The following FAM13A variants were observed in gnomAD, a reference collection of about 807,000 sequenced individuals.
FAM13A encodes protein FAM13A.
Under a neutral mutation model 129.6 loss-of-function variants are expected in FAM13A, and 76 were observed. The observed-to-expected ratio is 0.59, with a 90% CI of 0.49 to 0.71. The LOEUF is 0.71. Ranked by LOEUF, FAM13A falls within the 30% of genes least tolerant of loss-of-function variation. The pLI is 0.00. For missense variants in FAM13A, 1,108 were observed against 1,249.3 expected, an observed-to-expected ratio of 0.89 and a Z score of 1.70; for synonymous variants, 443 against 449.9, an observed-to-expected ratio of 0.98 and a Z score of 0.20.
intron 6 of FAM13A, 138 bp downstream of exon 6, chr4:88,906,241 T>C (rs1748139869): frequency 3.2e-6 from 2 of 622,932 alleles, no homozygotes; most frequent in Admixed American, 2.5e-5. Context: ...TGAGCTGAGA[T>C]TGCGCCACTG....
chr4:89,001,993 A>G (rs1764311176), intron 3 of FAM13A, among the ~76,000 whole-genome samples: 2 of 152,086 alleles, frequency 1.3e-5, no homozygotes, highest in Admixed American at 1.3e-4. Flanking sequence ...TGTTGTTTGC[A>G]CAGCTGCTAT....
chr4:88,867,347 C>G (rs920388770), intron 6 of FAM13A, among the ~76,000 whole-genome samples: 1 of 152,162 alleles, frequency 6.6e-6, no homozygotes, highest in African/African-American at 2.4e-5. Flanking sequence ...CTTCAGCATA[C>G]ACTTGGGAAC....
Position 88,940,689 on chromosome 4 carries a change from A to C in FAM13A, c.606-2448T>G, listed in dbSNP as rs1381832162. ...GAAAGATCAAAAGCTGGTTTTATGC[A>C]GTCAGGCAAAGGTCCCTTTCAAGTG... On this transcript the variant is annotated intron_variant, in intron 4 of 23. Coordinates refer to ENST00000264344, the MANE Select transcript of FAM13A (RefSeq NM_014883.4). Among the ~76,000 whole-genome samples, 3 of 152,226 alleles carry C rather than the reference A, an allele frequency of 2.0e-5. No individual in the cohort carries two copies. In the East Asian group the frequency reaches 5.8e-4, roughly 29 times the overall value.
chr4:89,004,233 G>A lies in FAM13A; in HGVS notation c.428-13083C>T, dbSNP rs571022190. Among the ~76,000 whole-genome samples the A allele has an allele frequency of 3.9e-5, 6 of 152,286 alleles. No homozygotes were observed. The South Asian group carries it at 8.3e-4, about 21-fold the overall frequency. On this transcript the variant is annotated intron_variant, in intron 3 of 23. Transcript: ENST00000264344. ...AGCTCATTGCAATCTCCACCTCTCG[G>A]ATTCAAATAACTCCCGTGCTTCAGC... is the stretch of plus-strand genomic sequence containing the variant.
At chr4:88,840,112 G>C (rs1012412422) in intron 7 of FAM13A, among the ~76,000 whole-genome samples, 1 of 152,218 alleles carries the variant, frequency 6.6e-6, no homozygotes, top group African/African-American at 2.4e-5. Flanking sequence ...GAAGGCCAGA[G>C]GAAAACCAGG....
At position 88,728,659 on chromosome 4, in the gene FAM13A, T is replaced by C. The variant is rs1307120103; in HGVS notation, c.2946A>G (p.Arg982=). 2.5e-6 allele frequency: 4 copies of C among 1,614,024 alleles called. No individual in the cohort carries two copies. In the African/African-American group the frequency reaches 4.0e-5, roughly 16 times the overall value. ...FEDNFFRQNG[R]NVQKEDRTPM... is the part of the protein sequence containing the mutation. Reference sequence around the variant, plus strand: ...GAGTGCGGTCTTCCTTCTGGACATTTCTAATGCAAATAAAGGAAAAAGGGG... The same window carrying C: ...GAGTGCGGTCTTCCTTCTGGACATTCCTAATGCAAATAAAGGAAAAAGGGG... Residue 982 remains arginine, a splice_region_variant and synonymous_variant, in exon 24 of 24, where the codon AGA becomes AGG. Transcript: ENST00000264344.
chr4:88,755,821 T>A (rs548554422), intron 14 of FAM13A, among the ~76,000 whole-genome samples: 8 of 152,320 alleles, frequency 5.3e-5, no homozygotes, highest in Admixed American at 5.2e-4. Flanking sequence ...ATACCACCCA[T>A]CTCCATTTTT....
At chr4:88,831,936 C>T (rs1027466509) in intron 7 of FAM13A, among the ~76,000 whole-genome samples, 2 of 151,988 alleles carry the variant, frequency 1.3e-5, no homozygotes, top group African/African-American at 2.4e-5. Context: ...ATAGCCAAGA[C>T]GATCTCAAGC....
chr4:88,905,067 C>T (rs1017872348), intron 6 of FAM13A, among the ~76,000 whole-genome samples: 4 of 152,094 alleles, frequency 2.6e-5, no homozygotes, highest in Non-Finnish European at 5.9e-5. Flanking sequence ...TTCTATTATG[C>T]TTAGAGGTAC....
chr4:88,936,151 C>A (rs1199568992), intron 5 of FAM13A: 1 of 152,198 alleles, frequency 6.6e-6, no homozygotes, highest in Non-Finnish European at 1.5e-5. Flanking sequence ...CAGCCTTAAA[C>A]CTAGTCACTC....
At chr4:88,958,337 C>T (rs34749134) in intron 4 of FAM13A, among the ~76,000 whole-genome samples, 45,213 of 152,138 alleles carry the variant, frequency 0.3, 6,859 homozygotes, top group East Asian at 0.38. Flanking sequence ...TCAGCCACTC[C>T]AGCTCCAGCT....
At chr4:89,014,968 T>A (rs904169306) in intron 3 of FAM13A, among the ~76,000 whole-genome samples, 1 of 152,156 alleles carries the variant, frequency 6.6e-6, no homozygotes, top group African/African-American at 2.4e-5. Flanking sequence ...AGGAGAAATA[T>A]CGCTGAATTC....
chr4:88,846,997 A>C (rs571018936), intron 7 of FAM13A, among the ~76,000 whole-genome samples: 7 of 152,346 alleles, frequency 4.6e-5, no homozygotes, highest in African/African-American at 1.7e-4. Context: ...TCAAAGATAT[A>C]TAAAGGATTT....
intron 3 of FAM13A, among the ~76,000 whole-genome samples, chr4:88,994,539 A>C (rs1763295589): frequency 2.0e-5 from 3 of 152,174 alleles, no homozygotes; most frequent in Admixed American, 1.3e-4. Context: ...GCTTGCGAGA[A>C]AGAAGGCTCA....
chr4:88,901,135 T>C (rs1747230648), intron 6 of FAM13A, among the ~76,000 whole-genome samples: 2 of 152,090 alleles, frequency 1.3e-5, no homozygotes, highest in Admixed American at 1.3e-4. Context: ...AGCACCCAGA[T>C]TCATAAAGCA....
At chr4:88,971,749 C>T (rs1015401139) in intron 4 of FAM13A, among the ~76,000 whole-genome samples, 1 of 152,170 alleles carries the variant, frequency 6.6e-6, no homozygotes, top group Non-Finnish European at 1.5e-5. Context: ...TGGCCTCAAG[C>T]AATCCTCCCA....
chr4:88,755,419 C>A (rs1743416136), intron 14 of FAM13A, among the ~76,000 whole-genome samples: 1 of 152,142 alleles, frequency 6.6e-6, no homozygotes, highest in African/African-American at 2.4e-5. Flanking sequence ...ATCTACTATT[C>A]ATTATTACCT....
intron 6 of FAM13A, among the ~76,000 whole-genome samples, chr4:88,862,232 G>A (rs897755164): frequency 6.6e-6 from 1 of 152,140 alleles, no homozygotes; most frequent in Non-Finnish European, 1.5e-5. Context: ...ACTGTATAAT[G>A]TATTTTTATA....
chr4:89,047,082 G>A (rs1311673580), intron 1 of FAM13A, among the ~76,000 whole-genome samples: 5 of 152,112 alleles, frequency 3.3e-5, no homozygotes, highest in Non-Finnish European at 7.4e-5. Context: ...CACAGGGGAA[G>A]GGCAAGTAAC....
Sources: allele counts gnomAD v4.1 joint callset (sites outside exome capture counted in the v4.1 genomes callset), GRCh38; gene constraint gnomAD v4.1.1; transcripts MANE v1.5; gene names NCBI Gene and HGNC (gene_info 2026-07-23, HGNC 2026-07-21).